Variants in SEMA3A observed in about 807,000 individuals in gnomAD.
SEMA3A encodes the protein semaphorin-3A.
SEMA3A carries 29 observed loss-of-function variants against 97.9 expected under a neutral mutation model. That is an observed-to-expected ratio of 0.30 (90% CI 0.22 to 0.40). The LOEUF is 0.40. Ranked by LOEUF, SEMA3A falls within the 10% of genes least tolerant of loss-of-function variation. The pLI, the probability that SEMA3A is intolerant of heterozygous loss-of-function variation, is 1.00. For synonymous variants in SEMA3A, 321 were observed against 323.7 expected (o/e 0.99, Z 0.09); for missense variants, 763 against 951.3 (o/e 0.80, Z 2.60).
intron 12 of SEMA3A, among the ~76,000 whole-genome samples, chr7:83,994,890 C>G (rs1211667937): frequency 6.6e-6 from 1 of 152,148 alleles, no homozygotes. Context: ...CAAGCCTGGG[C>G]AATGGCGGGC....
intron 3 of SEMA3A, among the ~76,000 whole-genome samples, chr7:84,219,023 A>G (rs1489916501): frequency 6.6e-6 from 1 of 152,118 alleles, no homozygotes; most frequent in Non-Finnish European, 1.5e-5. Context: ...CAAAGCACTC[A>G]CTACTCCTCT....
At chr7:83,984,193 T>G (rs925524313) in intron 13 of SEMA3A, among the ~76,000 whole-genome samples, 3 of 152,060 alleles carry the variant, frequency 2.0e-5, no homozygotes, top group Non-Finnish European at 1.5e-5. Context: ...AGAGAATAAA[T>G]AAATAATTTT....
At chr7:84,081,599 A>T (rs1424150635) in intron 4 of SEMA3A, among the ~76,000 whole-genome samples, 1 of 150,948 alleles carries the variant, frequency 6.6e-6, no homozygotes, top group Admixed American at 6.6e-5. Flanking sequence ...TCTCTTAAAA[A>T]AAAAAAAAAA....
At chr7:84,487,209 C>T (rs1484135700) in intron 1 of SEMA3A, among the ~76,000 whole-genome samples, 1 of 152,050 alleles carries the variant, frequency 6.6e-6, no homozygotes. Context: ...TAGATTTTGG[C>T]TGCCTGCAAA....
At chr7:84,162,268 A>T (rs1401962284) in intron 1 of SEMA3A, among the ~76,000 whole-genome samples, 2 of 152,164 alleles carry the variant, frequency 1.3e-5, no homozygotes, top group African/African-American at 2.4e-5. Flanking sequence ...GGATGTTATT[A>T]TGCTCTGTGA....
intron 1 of SEMA3A, among the ~76,000 whole-genome samples, chr7:84,187,609 G>GCCTT (rs1334989810): frequency 6.6e-6 from 1 of 152,020 alleles, no homozygotes; most frequent in African/African-American, 2.4e-5. Flanking sequence ...ACTCTTAAAT[G>GCCTT]CCTTGACTGA....
intron 1 of SEMA3A, among the ~76,000 whole-genome samples, chr7:84,151,566 G>A (rs1486020391): frequency 1.3e-5 from 2 of 152,044 alleles, no homozygotes; most frequent in East Asian, 3.9e-4. Flanking sequence ...AATGAGCAAA[G>A]CCTCCAAGAA....
chr7:84,126,143 TCA>T (rs1303715932), intron 3 of SEMA3A, among the ~76,000 whole-genome samples: 5 of 152,192 alleles, frequency 3.3e-5, no homozygotes, highest in African/African-American at 9.7e-5. Flanking sequence ...TATTAATATC[TCA>T]GTTACGTAAT....
At chr7:84,301,659 G>T (rs1167142850) in intron 3 of SEMA3A, among the ~76,000 whole-genome samples, 1 of 152,072 alleles carries the variant, frequency 6.6e-6, no homozygotes, top group Non-Finnish European at 1.5e-5. Context: ...AAGGCCATAA[G>T]GTCTCTTTCA....
chr7:84,200,484 T>C (rs959139415), intron 3 of SEMA3A, among the ~76,000 whole-genome samples: 2 of 151,894 alleles, frequency 1.3e-5, no homozygotes, highest in Non-Finnish European at 2.9e-5. Context: ...TGAAAGAGAG[T>C]GACAAGAGAA....
chr7:84,019,137 TAGTG>T (rs950845116), intron 6 of SEMA3A, among the ~76,000 whole-genome samples: 8 of 151,888 alleles, frequency 5.3e-5, no homozygotes, highest in Admixed American at 3.9e-4. Context: ...ATGTAAGAAA[TAGTG>T]AGAAAAATCA....
At chr7:84,046,882 A>T (rs554829337) in intron 5 of SEMA3A, among the ~76,000 whole-genome samples, 2 of 152,148 alleles carry the variant, frequency 1.3e-5, no homozygotes, top group East Asian at 3.9e-4. Flanking sequence ...TCTTATTCAT[A>T]GCTTTTATTC....
At chr7:84,373,762 A>G (rs995977859) in intron 1 of SEMA3A, among the ~76,000 whole-genome samples, 1 of 152,184 alleles carries the variant, frequency 6.6e-6, no homozygotes, top group Non-Finnish European at 1.5e-5. Context: ...AGAGGAAGTT[A>G]ATAATAATAA....
chr7:84,404,069 GA>G (rs1432637056), intron 1 of SEMA3A, among the ~76,000 whole-genome samples: 1 of 152,176 alleles, frequency 6.6e-6, no homozygotes, highest in East Asian at 1.9e-4. Context: ...GTTGAGAGAA[GA>G]AGGCTTCAGA....
intron 1 of SEMA3A, among the ~76,000 whole-genome samples, chr7:84,432,800 C>A (rs1280251604): frequency 6.0e-5 from 9 of 150,482 alleles, no homozygotes; most frequent in Non-Finnish European, 1.3e-4. Flanking sequence ...TGATAGACAT[C>A]TAGGTTGATT....
chr7:84,129,718 TTGAC>T (rs1795906015), intron 2 of SEMA3A, among the ~76,000 whole-genome samples: 1 of 151,474 alleles, frequency 6.6e-6, no homozygotes, highest in Admixed American at 6.6e-5. Flanking sequence ...TTTTCTCCTC[TTGAC>T]TTTTTTTTTT....
At chr7:84,328,900 T>C (rs1182167278) in intron 2 of SEMA3A, among the ~76,000 whole-genome samples, 1 of 152,012 alleles carries the variant, frequency 6.6e-6, no homozygotes, top group Admixed American at 6.6e-5. Flanking sequence ...TGGGAAATAA[T>C]TTCAACTTCC....
chr7:84,285,370 A>G (rs994912025), intron 3 of SEMA3A, among the ~76,000 whole-genome samples: 1 of 152,060 alleles, frequency 6.6e-6, no homozygotes, highest in African/African-American at 2.4e-5. Context: ...AAAGTATATA[A>G]GAAAAAAATA....
chr7:84,262,138 G>C (rs1799871409), intron 3 of SEMA3A, among the ~76,000 whole-genome samples: 1 of 151,828 alleles, frequency 6.6e-6, no homozygotes, highest in South Asian at 2.1e-4. Flanking sequence ...TATCAATGGA[G>C]AAACCATAGC....
Sources: allele counts gnomAD v4.1 joint callset (sites outside exome capture counted in the v4.1 genomes callset), GRCh38; gene constraint gnomAD v4.1.1; transcripts MANE v1.5; gene names NCBI Gene and HGNC (gene_info 2026-07-23, HGNC 2026-07-21).